PARD3B: variants seen among roughly 807,000 people sequenced by gnomAD.
The protein encoded by PARD3B is partitioning defective 3 homolog B.
PARD3B carries 103 observed loss-of-function variants against 130.2 expected under a neutral mutation model. The ratio of observed to expected loss-of-function variants is 0.79; its 90% CI spans 0.67 to 0.93. The LOEUF (loss-of-function observed/expected upper bound fraction) is 0.93. PARD3B is among the 40% of genes least tolerant of loss of function. PARD3B has a pLI of 0.00. For synonymous variants in PARD3B, 583 were observed against 553.2 expected (o/e 1.05, Z -0.76); for missense variants, 1,609 against 1,499.2 (o/e 1.07, Z -1.21).
chr2:205,582,607 CA>C (rs1220298385), intron 22 of PARD3B, among the ~76,000 whole-genome samples: 4 of 150,852 alleles, frequency 2.7e-5, no homozygotes, highest in African/African-American at 9.7e-5. Flanking sequence ...GCCTTTTCCT[CA>C]AATATTTTTG....
intron 2 of PARD3B, among the ~76,000 whole-genome samples, chr2:204,712,214 T>G (rs995133473): frequency 2.6e-5 from 4 of 152,258 alleles, no homozygotes; most frequent in Admixed American, 1.3e-4. Flanking sequence ...GTTTGTGTAC[T>G]CTGCGAAGAA....
At chr2:205,396,398 A>G (rs2046031017) in intron 18 of PARD3B, among the ~76,000 whole-genome samples, 1 of 152,210 alleles carries the variant, frequency 6.6e-6, no homozygotes, top group African/African-American at 2.4e-5. Flanking sequence ...GCTAGTGGAT[A>G]CCTAATAAAT....
chr2:205,040,888 G>A (rs1385361892), intron 3 of PARD3B, among the ~76,000 whole-genome samples: 4 of 151,990 alleles, frequency 2.6e-5, no homozygotes, highest in African/African-American at 9.7e-5. Context: ...GGAAAATCGA[G>A]ACTCTGAAAA....
At chr2:205,113,611 T>C in intron 6 of PARD3B, 34 bp downstream of exon 6, 1 of 1,476,056 alleles carries the variant, frequency 6.8e-7, no homozygotes, top group Non-Finnish European at 9.3e-7. Context: ...AAGCTCATGC[T>C]AATGAAAACC....
chr2:204,873,577 G>A (rs570118094), intron 2 of PARD3B, among the ~76,000 whole-genome samples: 1 of 152,296 alleles, frequency 6.6e-6, no homozygotes, highest in Non-Finnish European at 1.5e-5. Context: ...TGCATCCATA[G>A]AATACAAATG....
At chr2:204,878,669 G>A (rs2045931851) in intron 2 of PARD3B, among the ~76,000 whole-genome samples, 2 of 152,032 alleles carry the variant, frequency 1.3e-5, no homozygotes, top group African/African-American at 4.8e-5. Flanking sequence ...TTCTTGATAC[G>A]TATAGATGTA....
chr2:205,238,850 AT>A (rs1251337190), intron 15 of PARD3B, among the ~76,000 whole-genome samples: 4,909 of 65,442 alleles, frequency 0.075, 408 homozygotes, highest in African/African-American at 0.14. Flanking sequence ...AAAAAAAAAA[AT>A]ATATATATAT....
At chr2:204,705,308 C>T (rs1184520541) in intron 2 of PARD3B, among the ~76,000 whole-genome samples, 1 of 152,110 alleles carries the variant, frequency 6.6e-6, no homozygotes. Context: ...AGACAGTAAG[C>T]AAAGCATCAT....
chr2:204,701,256 G>C (rs894295043), intron 2 of PARD3B, among the ~76,000 whole-genome samples: 1 of 152,030 alleles, frequency 6.6e-6, no homozygotes. Context: ...TCTATTTACT[G>C]TAATTAAAAT....
Position 205,087,637 on chromosome 2 carries a change from GA to G in PARD3B, c.505-16786del, listed in dbSNP as rs565718582. On this transcript the variant is annotated intron_variant, in intron 4 of 22. Transcript: ENST00000406610. ...AATGCAATAAAGTTAAGAATTTGTT[GA>G]AATGATATTACCTTATTCAAAAGTA... 3.8e-3 allele frequency among the ~76,000 whole-genome samples: 576 copies of G among 152,154 alleles called. 7 individuals carry two copies. Among genetic ancestry groups the G allele is most frequent in the African/African-American group, 0.013 (541 of 41,494 alleles).
At chr2:204,684,240 A>G (rs1344437640) in intron 1 of PARD3B, among the ~76,000 whole-genome samples, 1 of 152,224 alleles carries the variant, frequency 6.6e-6, no homozygotes, top group Non-Finnish European at 1.5e-5. Flanking sequence ...AAAAAAGCAG[A>G]TAACTGATAG....
rs1209345560 is a variant in PARD3B at position 205,558,756 on chromosome 2, TCTTGTGAC to T, written c.3260+5355_3260+5362del. On this transcript the variant is annotated intron_variant, in intron 22 of 22. Coordinates refer to ENST00000406610, the MANE Select transcript of PARD3B (RefSeq NM_001302769.2). This position sits in a 1 kb window ranked among gnomAD's most constrained non-coding sequence, Gnocchi z 4.8. ...TACCTGCCTAACATTCATGTCCCACTCTTGTGACCCCGTTTGATATACTCCTCCTTCTG... is the reference window on the plus strand; with the variant it reads ...TACCTGCCTAACATTCATGTCCCACTCCCGTTTGATATACTCCTCCTTCTG... 6.6e-6 allele frequency among the ~76,000 whole-genome samples: 1 copy of T among 152,122 alleles called. No individual in the cohort carries two copies. Among genetic ancestry groups the T allele is most frequent in the Admixed American group, 6.5e-5 (1 of 15,270 alleles).
chr2:205,170,716 G>A (rs973693669), intron 11 of PARD3B, among the ~76,000 whole-genome samples: 1 of 151,812 alleles, frequency 6.6e-6, no homozygotes, highest in Non-Finnish European at 1.5e-5. Context: ...CGTCTGCACA[G>A]TTTCCCTCCC....
At chr2:205,419,711 C>T (rs145115023) in intron 19 of PARD3B, among the ~76,000 whole-genome samples, 54 of 152,194 alleles carry the variant, frequency 3.5e-4, no homozygotes, top group African/African-American at 1.0e-3. Flanking sequence ...AGGAGGGAAA[C>T]GGGGAAAGGG....
Position 204,686,180 on chromosome 2 carries a change from G to A in PARD3B, c.121-1G>A, listed in dbSNP as rs755356757. 1.9e-6 allele frequency: 3 copies of A among 1,596,158 alleles called. No homozygotes were observed. In the African/African-American group the frequency reaches 4.0e-5, roughly 21 times the overall value. The stretch of plus-strand genomic sequence containing the variant: ...TTAAACTTGTGTTTGTTCTACTATA[G>A]GGTCCTGGTTACTGGGTGAAGATTC... On this transcript the variant is annotated splice_acceptor_variant, in intron 1 of 22. Transcript: ENST00000406610. LOFTEE classifies it high-confidence loss of function.
rs1574757174 is a variant in PARD3B at position 204,704,711 on chromosome 2, C to T, written c.222+18429C>T. The stretch of plus-strand genomic sequence containing the variant: ...TTATCTTTTCTTCATTTGAATGCTA[C>T]ATAAACCCTCCCCTTTGAATCTGAG... On this transcript the variant is annotated intron_variant, in intron 2 of 22. Coordinates refer to ENST00000406610, the MANE Select transcript of PARD3B (RefSeq NM_001302769.2). Among the ~76,000 whole-genome samples, 2 of 152,260 alleles carry T rather than the reference C, an allele frequency of 1.3e-5. 1 individual carries two copies. The highest frequency in any genetic ancestry group is 4.8e-5 in the African/African-American group (2 of 41,558).
At chr2:204,807,361 G>A (rs186240862) in intron 2 of PARD3B, among the ~76,000 whole-genome samples, 23 of 152,282 alleles carry the variant, frequency 1.5e-4, no homozygotes, top group Non-Finnish European at 2.8e-4. Context: ...TGTTGAGGAT[G>A]TGGAGAAAGG....
chr2:205,305,059 A>T (rs953855980), intron 18 of PARD3B, among the ~76,000 whole-genome samples: 2 of 152,244 alleles, frequency 1.3e-5, no homozygotes, highest in African/African-American at 4.8e-5. Flanking sequence ...ATAGAAGGGC[A>T]TTTGAGTGAG....
At chr2:205,029,115 T>G (rs149529942) in intron 3 of PARD3B, among the ~76,000 whole-genome samples, 149 of 152,312 alleles carry the variant, frequency 9.8e-4, no homozygotes, top group East Asian at 7.9e-3. Flanking sequence ...AGTGCCAGGT[T>G]GCTAGCCCTA....
Sources: allele counts gnomAD v4.1 joint callset (sites outside exome capture counted in the v4.1 genomes callset), GRCh38; gene constraint gnomAD v4.1.1; non-coding constraint Gnocchi (gnomAD v3.1); transcripts MANE v1.5; gene names NCBI Gene and HGNC (gene_info 2026-07-23, HGNC 2026-07-21).